The following CAST variants were observed in gnomAD, a reference collection of about 807,000 sequenced individuals.
The protein encoded by CAST is MIR583 host.
A neutral mutation model predicts 119.6 loss-of-function variants in CAST; 76 were observed. That is an observed-to-expected ratio of 0.64 (90% CI 0.53 to 0.77). The LOEUF (loss-of-function observed/expected upper bound fraction) is 0.77. Among genes scored for constraint, CAST ranks in the 30% least tolerant of loss-of-function variants. CAST has a pLI of 0.00. For missense variants in CAST, 953 were observed against 946.5 expected, an observed-to-expected ratio of 1.01 and a Z score of -0.09; for synonymous variants, 319 against 331.6, an observed-to-expected ratio of 0.96 and a Z score of 0.41.
chr5:96,262,976 C>T, the CAST span, among the ~76,000 whole-genome samples: 1 of 152,172 alleles, frequency 6.6e-6, no homozygotes, highest in East Asian at 1.9e-4. Flanking sequence ...TCTCCTTTCT[C>T]CTATGTCCTG....
At chr5:96,264,713 C>A in the CAST span, among the ~76,000 whole-genome samples, 1 of 152,146 alleles carries the variant, frequency 6.6e-6, no homozygotes, top group African/African-American at 2.4e-5. Context: ...TTTGCACCTT[C>A]GTGACATAAA....
intron 1 of CAST, among the ~76,000 whole-genome samples, chr5:96,666,783 T>C (rs1749391870): frequency 1.3e-5 from 2 of 152,186 alleles, no homozygotes. Flanking sequence ...AATTATATTC[T>C]ACAGGTGCCT....
the CAST span, among the ~76,000 whole-genome samples, chr5:96,156,756 C>T: frequency 6.6e-6 from 1 of 152,138 alleles, no homozygotes; most frequent in East Asian, 1.9e-4. Context: ...ACTTATTACC[C>T]ACCATTTGAT....
At chr5:96,132,201 G>A in the CAST span, among the ~76,000 whole-genome samples, 1 of 151,582 alleles carries the variant, frequency 6.6e-6, no homozygotes, top group Admixed American at 6.6e-5. Flanking sequence ...AAAGAGGGAA[G>A]CAATTAAAAG....
At chr5:96,409,191 C>T in the CAST span, among the ~76,000 whole-genome samples, 24 of 152,304 alleles carry the variant, frequency 1.6e-4, no homozygotes, top group South Asian at 5.0e-3. Context: ...AGGACCACGG[C>T]GCTGCTGGTT....
At chr5:96,029,260 G>A in the CAST span, among the ~76,000 whole-genome samples, 1 of 152,100 alleles carries the variant, frequency 6.6e-6, no homozygotes, top group Non-Finnish European at 1.5e-5. Flanking sequence ...TGTGGATTTT[G>A]GCAGATAATG....
chr5:95,965,674 C>T, the CAST span, among the ~76,000 whole-genome samples: 3 of 152,200 alleles, frequency 2.0e-5, no homozygotes, highest in African/African-American at 4.8e-5. Context: ...CCAATCATTA[C>T]ACTGCTCTCC....
At chr5:96,465,445 G>A in the CAST span, among the ~76,000 whole-genome samples, 2 of 152,038 alleles carry the variant, frequency 1.3e-5, no homozygotes, top group Admixed American at 6.6e-5. Flanking sequence ...TGAAATGGAA[G>A]TGTTGGTGGA....
the CAST span, among the ~76,000 whole-genome samples, chr5:96,139,669 T>C: frequency 1.3e-5 from 2 of 151,814 alleles, no homozygotes; most frequent in Non-Finnish European, 2.9e-5. Context: ...TTTTGTGGCA[T>C]ATCTGGGGAA....
chr5:96,415,574 A>G, the CAST span, among the ~76,000 whole-genome samples: 2 of 152,234 alleles, frequency 1.3e-5, no homozygotes, highest in Non-Finnish European at 2.9e-5. Context: ...CATCCTTGCT[A>G]TAAAAGATAA....
the CAST span, among the ~76,000 whole-genome samples, chr5:96,497,222 G>A: frequency 5.8e-4 from 88 of 152,110 alleles, no homozygotes; most frequent in African/African-American, 2.0e-3. Flanking sequence ...AGTATTCCAT[G>A]GTGTATATGT....
intron 1 of CAST, among the ~76,000 whole-genome samples, chr5:96,539,234 T>G (rs1338050812): frequency 6.6e-6 from 1 of 152,182 alleles, no homozygotes; most frequent in African/African-American, 2.4e-5. Context: ...GTCAAAGTCT[T>G]GAAACAACAC....
intron 5 of CAST, 139 bp downstream of exon 5, chr5:96,726,998 C>A: frequency 1.6e-6 from 1 of 626,122 alleles, no homozygotes; most frequent in East Asian, 2.7e-5. Context: ...CTTAGCTGCC[C>A]ATCAGCCACA....
Position 96,742,838 on chromosome 5 carries a change from C to T in CAST, c.1200+82C>T, listed in dbSNP as rs78142752. Reference sequence around the variant, plus strand: ...ATGCACTCTGCATGTTTAGAATTCTCGCACAACTTTTATTGGAGAGTAAAA... The same window carrying T: ...ATGCACTCTGCATGTTTAGAATTCTTGCACAACTTTTATTGGAGAGTAAAA... On this transcript the variant is annotated intron_variant, in intron 16 of 31. Coordinates refer to ENST00000675179, the MANE Select transcript of CAST (RefSeq NM_001750.7). 14,168 of 954,852 alleles carry T rather than the reference C, an allele frequency of 0.015. 160 individuals carry two copies. The highest frequency in any genetic ancestry group is 0.059 in the African/African-American group (3,620 of 61,566). 59.1% of individuals were successfully genotyped at this position (954,852 alleles called of 1,614,324 possible).
the CAST span, among the ~76,000 whole-genome samples, chr5:96,390,263 C>A: frequency 2.6e-5 from 4 of 152,314 alleles, no homozygotes; most frequent in African/African-American, 9.6e-5. Flanking sequence ...GAATTAACTC[C>A]TTAATGTAAA....
chr5:96,717,625 G>T (rs1330651287), intron 3 of CAST, among the ~76,000 whole-genome samples: 1 of 152,214 alleles, frequency 6.6e-6, no homozygotes, highest in Non-Finnish European at 1.5e-5. Flanking sequence ...GGTTGCATGT[G>T]CATTAAATGG....
intron 1 of CAST, among the ~76,000 whole-genome samples, chr5:96,588,270 C>T (rs1189401002): frequency 8.1e-6 from 1 of 123,052 alleles, no homozygotes; most frequent in Non-Finnish European, 1.6e-5. Context: ...GGTGCAATCT[C>T]GGCTCACTGC....
chr5:96,040,849 C>T, the CAST span, among the ~76,000 whole-genome samples: 1 of 152,102 alleles, frequency 6.6e-6, no homozygotes, highest in East Asian at 1.9e-4. Context: ...TGTTGTGTCT[C>T]TGCTAGGCTT....
the CAST span, among the ~76,000 whole-genome samples, chr5:96,149,766 C>T: frequency 1.3e-5 from 2 of 152,170 alleles, no homozygotes; most frequent in Non-Finnish European, 2.9e-5. Context: ...CAGCTAGCAT[C>T]CAATCTGTTA....
Sources: allele counts gnomAD v4.1 joint callset (sites outside exome capture counted in the v4.1 genomes callset), GRCh38; gene constraint gnomAD v4.1.1; transcripts MANE v1.5; gene names NCBI Gene and HGNC (gene_info 2026-07-23, HGNC 2026-07-21).